The following HECTD4 variants were observed in gnomAD, a reference collection of about 807,000 sequenced individuals.
HECTD4 encodes the protein HECT domain E3 ubiquitin protein ligase 4, also known as probable E3 ubiquitin-protein ligase HECTD4.
Under a neutral mutation model 471.5 loss-of-function variants are expected in HECTD4, and 114 were observed. The ratio of observed to expected loss-of-function variants is 0.24; its 90% CI spans 0.21 to 0.28. The LOEUF is 0.28. HECTD4 is among the 10% of genes least tolerant of loss of function. The pLI is 1.00. For synonymous variants in HECTD4, 2,012 were observed against 2,256.0 expected (o/e 0.89, Z 3.07); for missense variants, 3,866 against 5,651.5 (o/e 0.68, Z 10.13).
At chr12:112,227,184 G>C (rs2033261529) in intron 43 of HECTD4, among the ~76,000 whole-genome samples, 1 of 152,194 alleles carries the variant, frequency 6.6e-6, no homozygotes, top group African/African-American at 2.4e-5. Context: ...TGTTGGCCGG[G>C]CATGGTGGCT....
intron 1 of HECTD4, among the ~76,000 whole-genome samples, chr12:112,340,182 T>C (rs1020415408): frequency 2.0e-5 from 3 of 152,212 alleles, no homozygotes; most frequent in African/African-American, 7.2e-5. Flanking sequence ...GTAATTCCTA[T>C]TGGTTGTTAT....
chr12:112,379,624 G>T (rs891884520), intron 1 of HECTD4, among the ~76,000 whole-genome samples: 1 of 152,028 alleles, frequency 6.6e-6, no homozygotes, highest in Admixed American at 6.6e-5. Flanking sequence ...AACCCGGGAG[G>T]TGGAGGTTGC....
At chr12:112,252,895 A>G (rs1354365792) in intron 22 of HECTD4, among the ~76,000 whole-genome samples, 2 of 151,194 alleles carry the variant, frequency 1.3e-5, no homozygotes, top group Non-Finnish European at 2.9e-5. Context: ...CTGCAGTCTC[A>G]ATCTCCCAGG....
At chr12:112,378,817 G>A (rs2036833265) in intron 1 of HECTD4, among the ~76,000 whole-genome samples, 1 of 152,154 alleles carries the variant, frequency 6.6e-6, no homozygotes, top group African/African-American at 2.4e-5. Flanking sequence ...GCCGAGGCGG[G>A]AGGATCACAA....
At position 112,184,961 on chromosome 12, in the gene HECTD4, G is replaced by C. The variant is rs144439235; in HGVS notation, c.10005C>G (p.Asp3335Glu). Residue 3335 changes from aspartate to glutamate, a missense_variant, in exon 61 of 76, where the codon GAC becomes GAG. Asp to Glu is a conservative substitution (Grantham distance 45). Around this residue, in one of 16 missense-constraint regions of HECTD4, gnomAD observed 57 missense variants for 49.8 expected, o/e 1.14. Transcript: ENST00000682272. This position sits in a 1 kb window ranked among gnomAD's most constrained non-coding sequence, Gnocchi z 9.1. ...SGKRQSSRTV[D>E]SDPTVLSIGG... is the part of the protein sequence containing the mutation. ...CGATGCTGAGCACGGTGGGGTCCGA[G>C]TCCACGGTGCGGGAAGACTGGCGCT... The C allele has an allele frequency of 1.2e-6, 2 of 1,613,664 alleles. No homozygotes were observed. The highest frequency in any genetic ancestry group is 1.7e-6 in the Non-Finnish European group (2 of 1,179,818).
Position 112,243,254 on chromosome 12 carries a change from T to A in HECTD4, c.4958+99A>T. ...ATATAAATATTTTAGAGGAAAACAT[T>A]AGCAAATACTACCGCCTATGTTTGG... On this transcript the variant is annotated intron_variant, in intron 32 of 75. Transcript: ENST00000682272. This position sits in a 1 kb window ranked among gnomAD's most constrained non-coding sequence, Gnocchi z 6.6. 9.5e-7 allele frequency: 1 copy of A among 1,055,262 alleles called. No individual in the cohort carries two copies. Among genetic ancestry groups the A allele is most frequent in the Non-Finnish European group, 1.4e-6 (1 of 736,222 alleles). 65.4% of individuals were successfully genotyped at this position (1,055,262 alleles called of 1,614,324 possible).
Position 112,308,875 on chromosome 12 carries a change from G to T in HECTD4, c.1042C>A (p.Arg348=). Residue 348 remains arginine, a synonymous_variant, in exon 6 of 76, where the codon CGG becomes AGG. Transcript: ENST00000682272. ...HGTLRGFVYC[R]NEELEPGWVA... ...CATCCTGGTTCCAACTCCTCGTTCCGGCAGTACACAAAACCTCTGTGGAAT... is the reference window on the plus strand; with the variant it reads ...CATCCTGGTTCCAACTCCTCGTTCCTGCAGTACACAAAACCTCTGTGGAAT... The T allele has an allele frequency of 6.5e-7, 1 of 1,535,944 alleles. No homozygotes were observed. Among genetic ancestry groups the T allele is most frequent in the African/African-American group, 1.4e-5 (1 of 73,126 alleles).
Position 112,184,721 on chromosome 12 carries a change from G to T in HECTD4, c.10245C>A (p.Gly3415=). ...GGGCGTTGCAGGCCTTGCGGATGGC[G>T]CCTCTGACTACGCCCTCGTCCAGGT... ...PTHLDEGVVR[G]AIRKACNAHG... Residue 3415 remains glycine, a synonymous_variant, in exon 61 of 76, where the codon GGC becomes GGA. Transcript: ENST00000682272. This position sits in a 1 kb window ranked among gnomAD's most constrained non-coding sequence, Gnocchi z 9.1. 6.2e-7 allele frequency: 1 copy of T among 1,612,928 alleles called. No individual in the cohort carries two copies. The highest frequency in any genetic ancestry group is 1.1e-5 in the South Asian group (1 of 90,992).
rs910984634 is a variant in HECTD4, at chr12:112,193,438, C to T, written c.8955+31G>A. 4.4e-6 allele frequency: 7 copies of T among 1,574,994 alleles called. No individual in the cohort carries two copies. The highest frequency in any genetic ancestry group is 6.1e-6 in the Non-Finnish European group (7 of 1,156,142). On this transcript the variant is annotated intron_variant, in intron 57 of 75. Coordinates refer to ENST00000682272, the MANE Select transcript of HECTD4 (RefSeq NM_001388303.1). This position sits in a 1 kb window ranked among gnomAD's most constrained non-coding sequence, Gnocchi z 5.2. The stretch of plus-strand genomic sequence containing the variant: ...GACTCCCAGTTAAAAATGGTAACCA[C>T]ACTGCAGGAACATGAGCTTTAGACT...
intron 7 of HECTD4, among the ~76,000 whole-genome samples, chr12:112,297,688 A>C (rs11066245): frequency 1.3e-5 from 2 of 152,010 alleles, no homozygotes; most frequent in Admixed American, 1.3e-4. Context: ...AGCTGGGGGC[A>C]TATTTAGCTT....
At chr12:112,254,404 C>T (rs1156897656) in intron 21 of HECTD4, among the ~76,000 whole-genome samples, 2 of 152,056 alleles carry the variant, frequency 1.3e-5, no homozygotes, top group African/African-American at 4.8e-5. Context: ...AAGAAGTATA[C>T]TTTTTATATT....
At position 112,184,437 on chromosome 12, in the gene HECTD4, T is replaced by C. The variant is rs1235166252; in HGVS notation, c.10529A>G (p.Asp3510Gly). 2 of 1,606,248 alleles carry C rather than the reference T, an allele frequency of 1.2e-6. No individual in the cohort carries two copies. Among genetic ancestry groups the C allele is most frequent in the Non-Finnish European group, 8.5e-7 (1 of 1,177,394 alleles). ...ISQTVSDLSV[D>G]PLPAGLELPI... Reference sequence around the variant, plus strand: ...CAGCTCGAGGCCGGCAGGCAGCGGATCCACAGAGAGGTCGCTGACGGTTTG... The same window carrying C: ...CAGCTCGAGGCCGGCAGGCAGCGGACCCACAGAGAGGTCGCTGACGGTTTG... Residue 3510 changes from aspartate (D) to glycine (G), a missense_variant, in exon 61 of 76, where the codon GAT becomes GGT. Physicochemically the swap from Asp to Gly is moderately conservative, Grantham distance 94. Around this residue, in one of 16 missense-constraint regions of HECTD4, gnomAD observed 192 missense variants for 189.9 expected, o/e 1.01. Coordinates refer to ENST00000682272, the MANE Select transcript of HECTD4 (RefSeq NM_001388303.1). The surrounding 1 kb of genome is among the most constrained non-coding windows in gnomAD (Gnocchi z 9.1).
At chr12:112,178,062 G>A (rs1353855873) in intron 64 of HECTD4, among the ~76,000 whole-genome samples, 1 of 152,108 alleles carries the variant, frequency 6.6e-6, no homozygotes, top group African/African-American at 2.4e-5. Flanking sequence ...TTTCCAATAG[G>A]CACTATGCAT....
In HECTD4 at chr12:112,229,897, C is replaced by T. The variant is rs865895745; in HGVS notation, c.6337-17G>A. ...AGACAGAACCTAAATATAGAAGCAG[C>T]CCGTGCACTAGGAGTTAAAGCTTTG... On this transcript the variant is annotated splice_polypyrimidine_tract_variant and intron_variant, in intron 40 of 75. Coordinates refer to ENST00000682272, the MANE Select transcript of HECTD4 (RefSeq NM_001388303.1). The T allele has an allele frequency of 1.9e-6, 3 of 1,601,358 alleles. No individual in the cohort carries two copies. The highest frequency in any genetic ancestry group is 2.6e-6 in the Non-Finnish European group (3 of 1,172,772).
Position 112,270,369 on chromosome 12 carries a change from T to C in HECTD4, c.2033A>G (p.Asn678Ser), listed in dbSNP as rs992454440. The change falls in exon 12 of 76, where the codon AAC (asparagine) becomes AGC (serine). Residue 678 changes from asparagine (N) to serine (S), a missense_variant. Physicochemically the swap from Asn to Ser is conservative, Grantham distance 46. Coordinates refer to ENST00000682272, the MANE Select transcript of HECTD4 (RefSeq NM_001388303.1). ...CIHQLNLLAT[N>S]PNLPITSVLG... ...GACACTTGTGATTGGAAGATTGGGG[T>C]TGGTGGCAAGAAGATTGAGTTGGTG... 5.6e-6 allele frequency: 9 copies of C among 1,613,826 alleles called. No homozygotes were observed. In the South Asian group the frequency reaches 6.6e-5, roughly 12 times the overall value.
chr12:112,252,442 A>G lies in HECTD4; in HGVS notation c.3534T>C (p.Ala1178=). The change falls in exon 23 of 76, where the codon GCT becomes GCC. Residue 1178 remains alanine, a synonymous_variant. Coordinates refer to ENST00000682272, the MANE Select transcript of HECTD4 (RefSeq NM_001388303.1). ...CAAGTACCTGAGCGCGAACTGTGCA[A>G]GCAAAGCCCCACATGGCTTTATCAG... The part of the protein sequence containing the change: ...NTPDKAMWGF[A]CTVRAQESSE... The G allele has an allele frequency of 1.9e-6, 3 of 1,607,810 alleles. No individual in the cohort carries two copies. The highest frequency in any genetic ancestry group is 2.5e-6 in the Non-Finnish European group (3 of 1,177,932).
At chr12:112,325,373 T>C (rs953250169) in intron 1 of HECTD4, among the ~76,000 whole-genome samples, 2 of 152,230 alleles carry the variant, frequency 1.3e-5, no homozygotes, top group Non-Finnish European at 2.9e-5. Flanking sequence ...TCCATTAGGC[T>C]ACTCAGCGTT....
At chr12:112,336,877 T>C (rs1014023755) in intron 1 of HECTD4, among the ~76,000 whole-genome samples, 1 of 152,222 alleles carries the variant, frequency 6.6e-6, no homozygotes. Context: ...AAATTTGTTA[T>C]AATAAGTTTT....
rs972189890 is a variant in HECTD4 at position 112,302,534 on chromosome 12, G to A, written c.1335+3530C>T. 1.0e-4 allele frequency: 74 copies of A among 723,522 alleles called. No individual in the cohort carries two copies. The East Asian group carries it at 1.8e-3, about 18-fold the overall frequency. The allele number at this position is 723,522 out of a possible 1,614,324, so 44.8% of individuals were successfully genotyped here. The stretch of plus-strand genomic sequence containing the variant: ...AAGTAGGTGAGTTCTCTTTTGGGCT[G>A]GATGTCCTGTCCAATACCAAAATTC... On this transcript the variant is annotated intron_variant, in intron 7 of 75. Transcript: ENST00000682272.
Sources: allele counts gnomAD v4.1 joint callset (sites outside exome capture counted in the v4.1 genomes callset), GRCh38; gene constraint gnomAD v4.1.1; regional missense constraint gnomAD v4.1.1; non-coding constraint Gnocchi (gnomAD v3.1); transcripts MANE v1.5; gene names NCBI Gene and HGNC (gene_info 2026-07-23, HGNC 2026-07-21).